ADGB: variants seen among roughly 807,000 people sequenced by gnomAD.
The protein encoded by ADGB is androglobin.
ADGB carries 172 observed loss-of-function variants against 210.5 expected under a neutral mutation model. The observed-to-expected ratio is 0.82, with a 90% CI of 0.72 to 0.93. The LOEUF is 0.93. ADGB is among the 40% of genes least tolerant of loss of function. The pLI is 0.00. For missense variants in ADGB, 2,025 were observed against 1,964.8 expected, an observed-to-expected ratio of 1.03 and a Z score of -0.58; for synonymous variants, 658 against 662.7, an observed-to-expected ratio of 0.99 and a Z score of 0.11.
intron 35 of ADGB, 82 bp from the exon 36 acceptor site, chr6:146,814,950 A>G: frequency 7.4e-7 from 1 of 1,357,020 alleles, no homozygotes. Context: ...AGGACAGGGT[A>G]AAGGAATTTC....
At chr6:146,649,786 C>T (rs1382814936) in intron 3 of ADGB, among the ~76,000 whole-genome samples, 1 of 152,118 alleles carries the variant, frequency 6.6e-6, no homozygotes, top group Non-Finnish European at 1.5e-5. Flanking sequence ...GCCACCATGA[C>T]TGGCTTTATT....
chr6:146,787,712 TGCC>T (rs1777894569), intron 32 of ADGB, among the ~76,000 whole-genome samples: 1 of 148,352 alleles, frequency 6.7e-6, no homozygotes, highest in Non-Finnish European at 1.5e-5. Flanking sequence ...ACTTTCCTAT[TGCC>T]ACCTTTCTTA....
intron 5 of ADGB, among the ~76,000 whole-genome samples, chr6:146,658,346 A>T (rs1775811978): frequency 6.6e-6 from 1 of 152,112 alleles, no homozygotes; most frequent in Admixed American, 6.6e-5. Flanking sequence ...TTAAGTTTTA[A>T]ATCTGTGCAG....
rs1239562307 is a variant in ADGB, at chr6:146,676,380, C to T, written c.1155C>T (p.Phe385=). The stretch of plus-strand genomic sequence containing the variant: ...ATGGAGAAAAAGAAAAATTCAAATT[C>T]TCACTTCATGGTTCAAGACCCTCAT... The part of the protein sequence containing the change: ...SKDGEKEKFK[F]SLHGSRPSSE... The change falls in exon 9 of 36, where the codon TTC becomes TTT. Residue 385 remains phenylalanine (F), a synonymous_variant. Transcript: ENST00000397944. The T allele has an allele frequency of 1.3e-6, 2 of 1,549,010 alleles. No individual in the cohort carries two copies. Among genetic ancestry groups the T allele is most frequent in the Admixed American group, 2.0e-5 (1 of 50,806 alleles).
intron 9 of ADGB, among the ~76,000 whole-genome samples, chr6:146,677,213 A>T (rs971299375): frequency 6.6e-6 from 1 of 152,198 alleles, no homozygotes; most frequent in Admixed American, 6.5e-5. Flanking sequence ...CTGTAAAAAA[A>T]TGATACCGCA....
At chr6:146,633,648 C>G (rs1007103660) in intron 1 of ADGB, among the ~76,000 whole-genome samples, 2 of 152,084 alleles carry the variant, frequency 1.3e-5, no homozygotes, top group African/African-American at 2.4e-5. Flanking sequence ...TGATCCCTCA[C>G]TTTCTTTTAT....
chr6:146,730,969 T>A (rs1301555651), intron 20 of ADGB, among the ~76,000 whole-genome samples: 2 of 152,020 alleles, frequency 1.3e-5, no homozygotes, highest in East Asian at 3.9e-4. Context: ...TTACATACAT[T>A]TCTGAGAGAG....
chr6:146,653,927 C>T (rs1337701265), intron 3 of ADGB, among the ~76,000 whole-genome samples: 2 of 151,982 alleles, frequency 1.3e-5, no homozygotes, highest in Non-Finnish European at 2.9e-5. Context: ...ATTTCCAGCA[C>T]CAACCAATTT....
chr6:146,778,562 C>G (rs149111772), intron 29 of ADGB, among the ~76,000 whole-genome samples: 185 of 152,034 alleles, frequency 1.2e-3, no homozygotes, highest in African/African-American at 4.2e-3. Context: ...TAAGCCTTAT[C>G]CTTCCTCTCA....
At chr6:146,657,942 A>T (rs185211611) in intron 5 of ADGB, among the ~76,000 whole-genome samples, 2 of 152,362 alleles carry the variant, frequency 1.3e-5, no homozygotes, top group African/African-American at 4.8e-5. Context: ...GCAATGCTAG[A>T]TCATATCAAA....
intron 33 of ADGB, among the ~76,000 whole-genome samples, chr6:146,791,829 G>C (rs1777960113): frequency 6.6e-6 from 1 of 151,484 alleles, no homozygotes; most frequent in East Asian, 1.9e-4. Context: ...CACAATAACA[G>C]CTCATTGCAG....
intron 22 of ADGB, among the ~76,000 whole-genome samples, chr6:146,734,289 A>T (rs1226821966): frequency 6.6e-6 from 1 of 152,206 alleles, no homozygotes; most frequent in Non-Finnish European, 1.5e-5. Flanking sequence ...ATGCATTATC[A>T]GCTTTGTTTT....
At chr6:146,813,725 A>T (rs1472476083) in intron 35 of ADGB, among the ~76,000 whole-genome samples, 1 of 152,202 alleles carries the variant, frequency 6.6e-6, no homozygotes, top group Non-Finnish European at 1.5e-5. Context: ...ATTAGATTAG[A>T]TTACAAAACA....
At chr6:146,666,255 A>G (rs1775936025) in intron 6 of ADGB, among the ~76,000 whole-genome samples, 1 of 152,046 alleles carries the variant, frequency 6.6e-6, no homozygotes, top group Non-Finnish European at 1.5e-5. Flanking sequence ...GGTCTAAATG[A>G]GAATAGTGAT....
chr6:146,783,051 A>G (rs259404), intron 30 of ADGB, among the ~76,000 whole-genome samples: 13,683 of 152,168 alleles, frequency 0.09, 701 homozygotes, highest in African/African-American at 0.14. Flanking sequence ...AAGACAGGAG[A>G]GGAAGATAAT....
chr6:146,706,936 C>T (rs760981285), intron 13 of ADGB, among the ~76,000 whole-genome samples: 1 of 130,258 alleles, frequency 7.7e-6, no homozygotes. Context: ...AGTTTGCTTT[C>T]TTTTTTTCTA....
At chr6:146,664,121 T>A in intron 5 of ADGB, 80 bp from the exon 6 acceptor site, 1 of 1,343,990 alleles carries the variant, frequency 7.4e-7, no homozygotes, top group Non-Finnish European at 9.9e-7. Context: ...TAAATAGTAA[T>A]GTCAGCCACG....
Position 146,741,136 on chromosome 6 carries a change from T to G in ADGB, c.3042T>G (p.His1014Gln). Residue 1014 changes from histidine to glutamine, a missense_variant, in exon 25 of 36, where the codon CAT (histidine) becomes CAG (glutamine). By Grantham distance (24) the His-to-Gln change is conservative (BLOSUM62 0). Transcript: ENST00000397944. ...FIVFRETFLV[H>Q]QDMILVPKVY... is the part of the protein sequence containing the mutation. ...ATTACAGAGAAACATTTTTGGTTCA[T>G]CAAGACATGATTTTGGTTCCCAAAG... is the stretch of plus-strand genomic sequence containing the variant. 1 of 1,530,508 alleles carries G rather than the reference T, an allele frequency of 6.5e-7. No individual in the cohort carries two copies. 94.8% of individuals were successfully genotyped at this position (1,530,508 alleles called of 1,614,324 possible).
intron 13 of ADGB, among the ~76,000 whole-genome samples, chr6:146,707,022 C>T (rs1776584016): frequency 1.3e-5 from 2 of 151,874 alleles, no homozygotes; most frequent in African/African-American, 4.8e-5. Flanking sequence ...TCATTTACTG[C>T]ATCCTATAAA....
Sources: gnomAD v4.1 joint callset for allele counts (sites outside exome capture counted in the v4.1 genomes callset) on GRCh38, gnomAD v4.1.1 for gene constraint, MANE v1.5 for transcripts, NCBI Gene and HGNC (gene_info 2026-07-23, HGNC 2026-07-21) for gene names.